PRC1: variants seen among roughly 807,000 people sequenced by gnomAD.
The protein encoded by PRC1 is protein regulator of cytokinesis 1.
In PRC1, 54 loss-of-function variants were observed where a neutral mutation model predicts 91.2. That is an observed-to-expected ratio of 0.59 (90% CI 0.48 to 0.74). PRC1 has a LOEUF of 0.74. PRC1 is among the 30% of genes least tolerant of loss of function. PRC1 has a pLI of 0.00. For synonymous variants in PRC1, 275 were observed against 263.6 expected (o/e 1.04, Z -0.42); for missense variants, 727 against 746.2 (o/e 0.97, Z 0.30).
intron 7 of PRC1, among the ~76,000 whole-genome samples, chr15:90,979,709 A>G (rs2039029364): frequency 6.6e-6 from 1 of 152,236 alleles, no homozygotes; most frequent in Admixed American, 6.5e-5. Context: ...ACTGGACTCC[A>G]GGAGTCAAGC....
In PRC1 at chr15:90,981,567, A is replaced by C. The variant is rs1453465320; in HGVS notation, c.604T>G (p.Cys202Gly). 2.5e-6 allele frequency: 4 copies of C among 1,613,994 alleles called. No homozygotes were observed. Among genetic ancestry groups the C allele is most frequent in the Non-Finnish European group, 3.4e-6 (4 of 1,180,052 alleles). The change falls in exon 5 of 15, where the codon TGT (cysteine) becomes GGT (glycine). Residue 202 changes from cysteine (C) to glycine (G), a missense_variant. By Grantham distance (159) the Cys-to-Gly change is radical. Transcript: ENST00000394249. Reference sequence around the variant, plus strand: ...AAACAAAAGGCATCTTCGTCTTCACACACCACATCTCTTTCAAAGCTTGTG... The same window carrying C: ...AAACAAAAGGCATCTTCGTCTTCACCCACCACATCTCTTTCAAAGCTTGTG... ...PDTSFERDVV[C>G]EDEDAFCLSL...
chr15:90,969,752 TAA>T (rs200982679), intron 12 of PRC1, 129 bp from the exon 13 acceptor site: 5 of 201,394 alleles, frequency 2.5e-5, no homozygotes, highest in Admixed American at 1.8e-4. Flanking sequence ...ACTTTTTAGT[TAA>T]AAAAAAAACA....
chr15:90,985,816 A>G (rs777648246), intron 1 of PRC1: 1 of 152,036 alleles, frequency 6.6e-6, no homozygotes, highest in Non-Finnish European at 1.5e-5. Flanking sequence ...GCCCGGGCCT[A>G]GTATTCTTAA....
At chr15:90,978,609 C>T (rs935081834) in intron 8 of PRC1, among the ~76,000 whole-genome samples, 3 of 151,926 alleles carry the variant, frequency 2.0e-5, no homozygotes, top group Admixed American at 6.6e-5. Flanking sequence ...AAAAATTAGC[C>T]GGGTGTGGTG....
intron 8 of PRC1, among the ~76,000 whole-genome samples, chr15:90,978,875 G>T (rs1174762118): frequency 6.6e-6 from 1 of 151,864 alleles, no homozygotes; most frequent in African/African-American, 2.4e-5. Context: ...GAAGCCTGGG[G>T]TCCTGCTCAC....
chr15:90,976,313 ACCAGG>A (rs2038689568), intron 9 of PRC1, among the ~76,000 whole-genome samples: 1 of 151,286 alleles, frequency 6.6e-6, no homozygotes, highest in Non-Finnish European at 1.5e-5. Context: ...CATGATCAAG[ACCAGG>A]CTGGTCTTGA....
chr15:90,967,697 G>A (rs1426519928), intron 14 of PRC1: 2 of 457,844 alleles, frequency 4.4e-6, no homozygotes, highest in African/African-American at 4.3e-5. Flanking sequence ...CAGGTTTGTA[G>A]CCTAGGAGGA....
At position 90,974,173 on chromosome 15, in the gene PRC1, C is replaced by T. The variant is rs537527179; in HGVS notation, c.1424G>A (p.Arg475Gln). The change falls in exon 11 of 15, where the codon CGA (arginine) becomes CAA (glutamine). Residue 475 changes from arginine to glutamine, a missense_variant. Arg to Gln is a conservative substitution (Grantham distance 43). Transcript: ENST00000394249. The surrounding 1 kb of genome is among the most constrained non-coding windows in gnomAD (Gnocchi z 4.6). ...GSAPRTPSKRRGLAPNTPGKA... is the reference protein window; with the variant it reads ...GSAPRTPSKRQGLAPNTPGKA... Reference sequence around the variant, plus strand: ...GCCCGGTGTATTGGGAGCCAGTCCTCGCCGCTTGCTAGGTGTTCGAGGAGC... The same window carrying T: ...GCCCGGTGTATTGGGAGCCAGTCCTTGCCGCTTGCTAGGTGTTCGAGGAGC... 8.7e-6 allele frequency: 14 copies of T among 1,614,052 alleles called. No homozygotes were observed. In the East Asian group the frequency reaches 8.9e-5, roughly 10 times the overall value.
chr15:90,979,735 C>A (rs59025289), intron 7 of PRC1, among the ~76,000 whole-genome samples: 1 of 152,194 alleles, frequency 6.6e-6, no homozygotes, highest in East Asian at 1.9e-4. Flanking sequence ...TTGGCTCAAA[C>A]GTAGGCTCTG....
chr15:90,976,430 A>T (rs8036430), intron 9 of PRC1, among the ~76,000 whole-genome samples: 1 of 145,248 alleles, frequency 6.9e-6, no homozygotes, highest in African/African-American at 2.5e-5. Context: ...ATGCCTGCCT[A>T]GGCCTCCCAA....
At chr15:90,977,622 C>T (rs889320010) in intron 8 of PRC1, among the ~76,000 whole-genome samples, 15 of 124,122 alleles carry the variant, frequency 1.2e-4, no homozygotes, top group South Asian at 5.8e-4. Context: ...CTCGCTCTGT[C>T]GCCCAGGCTG....
intron 8 of PRC1, 98 bp downstream of exon 8, chr15:90,979,060 G>T: frequency 7.4e-7 from 1 of 1,342,360 alleles, no homozygotes; most frequent in Non-Finnish European, 1.0e-6. Context: ...TGATAAAGAT[G>T]GGGTATCAAA....
At position 90,966,699 on chromosome 15, in the gene PRC1, G is replaced by A. The variant is rs1183793386; in HGVS notation, c.*432C>T. ...TTCAGGTAAGAGCAAAGCTATGATAGCTACAGCATTAATTGAACATGCCTA... is the reference window on the plus strand; with the variant it reads ...TTCAGGTAAGAGCAAAGCTATGATAACTACAGCATTAATTGAACATGCCTA... On this transcript the variant is annotated 3_prime_UTR_variant, in exon 15 of 15. Transcript: ENST00000394249. 2 of 454,784 alleles carry A rather than the reference G, an allele frequency of 4.4e-6. No individual in the cohort carries two copies. Among genetic ancestry groups the A allele is most frequent in the Non-Finnish European group, 4.4e-6 (1 of 226,288 alleles). 28.2% of individuals were successfully genotyped at this position (454,784 alleles called of 1,614,324 possible).
At chr15:90,968,229 C>G in intron 14 of PRC1, 2 of 985,432 alleles carry the variant, frequency 2.0e-6, no homozygotes, top group South Asian at 4.7e-5. Flanking sequence ...GTCCAGCAAT[C>G]AGCCAGAGTG....
intron 7 of PRC1, among the ~76,000 whole-genome samples, 196 bp from the exon 8 acceptor site, chr15:90,979,490 T>C (rs1043769878): frequency 6.6e-6 from 1 of 151,956 alleles, no homozygotes; most frequent in Non-Finnish European, 1.5e-5. Context: ...CCTGGGGGAG[T>C]AGGGCCTAAG....
At chr15:90,969,410 C>T (rs374487463) in intron 13 of PRC1, 37 bp downstream of exon 13, 1 of 1,560,356 alleles carries the variant, frequency 6.4e-7, no homozygotes, top group Non-Finnish European at 8.7e-7. Flanking sequence ...ACTGTGTGCT[C>T]CCCAGAGACT....
chr15:90,968,730 C>G (rs1222854581), intron 14 of PRC1: 1 of 1,134,352 alleles, frequency 8.8e-7, no homozygotes, highest in Admixed American at 4.0e-5. Flanking sequence ...TTGTAGGCAG[C>G]ACACAGCTGG....
At chr15:90,979,465 C>T (rs187006651) in intron 7 of PRC1, among the ~76,000 whole-genome samples, 171 bp from the exon 8 acceptor site, 1 of 152,234 alleles carries the variant, frequency 6.6e-6, no homozygotes, top group Non-Finnish European at 1.5e-5. Flanking sequence ...TAAAAACCAG[C>T]TTTGTCACAA....
intron 7 of PRC1, 130 bp from the exon 8 acceptor site, chr15:90,979,424 T>C (rs2039006021): frequency 9.5e-7 from 1 of 1,053,472 alleles, no homozygotes; most frequent in South Asian, 1.6e-5. Context: ...AAGAGGCGTG[T>C]GTGTGTGTGT....
Sources: allele counts gnomAD v4.1 joint callset (sites outside exome capture counted in the v4.1 genomes callset), GRCh38; gene constraint gnomAD v4.1.1; non-coding constraint Gnocchi (gnomAD v3.1); transcripts MANE v1.5; gene names NCBI Gene and HGNC (gene_info 2026-07-23, HGNC 2026-07-21).